The following HP variants were observed in gnomAD, a reference collection of about 807,000 sequenced individuals.
HP encodes haptoglobin alpha(1S)-beta.
In HP, 9 loss-of-function variants were observed where a neutral mutation model predicts 23.2. That is an observed-to-expected ratio of 0.39 (90% CI 0.23 to 0.68). The LOEUF (loss-of-function observed/expected upper bound fraction) is 0.68. HP is among the 30% of genes least tolerant of loss of function. HP has a pLI of 0.47. For synonymous variants in HP, 155 were observed against 183.3 expected, an observed-to-expected ratio of 0.85 and a Z score of 1.25; for missense variants, 433 against 483.6, an observed-to-expected ratio of 0.90 and a Z score of 0.98.
intron 1 of HP, chr16:72,055,047 C>A: frequency 2.7e-6 from 1 of 364,026 alleles, no homozygotes; most frequent in Non-Finnish European, 5.1e-6. Context: ...TGACTAGTAC[C>A]TGGGATACAC....
In HP at chr16:72,060,140, C is replaced by T. The variant is rs758657496; in HGVS notation, c.471C>T (p.Asn157=). The change falls in exon 7 of 7, where the codon AAC becomes AAT. Residue 157 remains asparagine, a synonymous_variant. Transcript: ENST00000355906. ...GTGGGAAGCCCAAGAATCCGGCAAA[C>T]CCAGTGCAGCGGATCCTGGGTGGAC... ...AVCGKPKNPA[N]PVQRILGGHL... 7.4e-6 allele frequency: 12 copies of T among 1,613,662 alleles called. No homozygotes were observed. The highest frequency in any genetic ancestry group is 9.3e-6 in the Non-Finnish European group (11 of 1,179,896).
rs769601309 is a variant in HP, at chr16:72,060,543, T to C, written c.874T>C (p.Phe292Leu). 70 of 1,613,990 alleles carry C rather than the reference T, an allele frequency of 4.3e-5. 1 individual carries two copies. In the East Asian group the frequency reaches 9.8e-4, roughly 23 times the overall value. ...SGWGRNANFK[F>L]TDHLKYVMLP... Reference sequence around the variant, plus strand: ...CTGGGGGCGAAATGCCAATTTTAAATTTACTGACCATCTGAAGTATGTCAT... The same window carrying C: ...CTGGGGGCGAAATGCCAATTTTAAACTTACTGACCATCTGAAGTATGTCAT... The change falls in exon 7 of 7, where the codon TTT (phenylalanine) becomes CTT (leucine). Residue 292 changes from phenylalanine to leucine, a missense_variant. Physicochemically the swap from Phe to Leu is conservative, Grantham distance 22. Coordinates refer to ENST00000355906, the MANE Select transcript of HP (RefSeq NM_005143.5).
Position 72,056,148 on chromosome 16 carries a change from C to T in HP, c.6-13C>T, listed in dbSNP as rs1164646567. The T allele has an allele frequency of 6.2e-6, 10 of 1,613,022 alleles. No homozygotes were observed. The highest frequency in any genetic ancestry group is 1.1e-5 in the South Asian group (1 of 91,056). ...AGACTAGCTTTCCACTCCTCCTTGT[C>T]TTCTCTCTGCAGTGCCCTGGGAGCT... On this transcript the variant is annotated splice_polypyrimidine_tract_variant and intron_variant, in intron 1 of 6. Transcript: ENST00000355906.
chr16:72,055,070 G>C (rs146982445), intron 1 of HP: 69 of 268,646 alleles, frequency 2.6e-4, no homozygotes, highest in African/African-American at 1.5e-3. Context: ...TAATACCTGG[G>C]ATACATCTAA....
At chr16:72,056,027 G>A (rs2041453591) in intron 1 of HP, 134 bp from the exon 2 acceptor site, 1 of 1,425,490 alleles carries the variant, frequency 7.0e-7, no homozygotes, top group South Asian at 1.2e-5. Context: ...TTTCTTTTCT[G>A]GCTGCTAAGT....
In HP at chr16:72,058,114, T is replaced by A. The variant is rs999200706; in HGVS notation, c.266-140T>A. 9 of 1,074,662 alleles carry A rather than the reference T, an allele frequency of 8.4e-6. 2 individuals are homozygous for A. The African/African-American group carries it at 1.6e-4, about 19-fold the overall frequency. 66.6% of individuals were successfully genotyped at this position (1,074,662 alleles called of 1,614,324 possible). A position where few individuals can be genotyped will look rare whatever the true frequency, so the allele number is the denominator to read the frequency against. ...AAATTCCTTTATTGGGATAATTGTT[T>A]AAAAATAATACAGTTCGCGAGCTTC... is the stretch of plus-strand genomic sequence containing the variant. On this transcript the variant is annotated intron_variant, in intron 4 of 6. Transcript: ENST00000355906.
intron 6 of HP, chr16:72,059,504 A>C: frequency 2.5e-6 from 1 of 402,082 alleles, no homozygotes; most frequent in Non-Finnish European, 4.6e-6. Flanking sequence ...AGGGAGAACA[A>C]GTCAAGGAAT....
In HP at chr16:72,054,884, C is replaced by A; in HGVS notation, c.5+227C>A. On this transcript the variant is annotated intron_variant, in intron 1 of 6. Coordinates refer to ENST00000355906, the MANE Select transcript of HP (RefSeq NM_005143.5). ...ATTTACTCTCAGGAGTGTCTTTTTCCTTCAGGTTACATTTTTGACTTTATA... is the reference window on the plus strand; with the variant it reads ...ATTTACTCTCAGGAGTGTCTTTTTCATTCAGGTTACATTTTTGACTTTATA... The A allele has an allele frequency of 3.4e-6, 3 of 891,514 alleles. No individual in the cohort carries two copies. In the South Asian group the frequency reaches 5.3e-5, roughly 16 times the overall value. The allele number at this position is 891,514 out of a possible 1,614,324, so 55.2% of individuals were successfully genotyped here.
At chr16:72,056,050 T>C in intron 1 of HP, 111 bp from the exon 2 acceptor site, 1 of 1,480,618 alleles carries the variant, frequency 6.8e-7, no homozygotes, top group Non-Finnish European at 9.4e-7. Context: ...GAGGAGTGTG[T>C]GTGTATGCAT....
rs749046793 is a variant in HP at position 72,056,236 on chromosome 16, T to C, written c.81T>C (p.Asp27=). 2 of 1,613,880 alleles carry C rather than the reference T, an allele frequency of 1.2e-6. No individual in the cohort carries two copies. The highest frequency in any genetic ancestry group is 1.7e-6 in the Non-Finnish European group (2 of 1,179,856). The change falls in exon 2 of 7, where the codon GAT becomes GAC. Residue 27 remains aspartate, a synonymous_variant. Transcript: ENST00000355906. The part of the protein sequence containing the change: ...FAVDSGNDVT[D]IADDGCPKPP... ...TGGACTCAGGCAATGATGTCACGGA[T>C]ATCGCAGGTCAGTCTTTGGTTGGGT...
In HP at chr16:72,060,439, C is replaced by T. The variant is rs777614764; in HGVS notation, c.770C>T (p.Ser257Phe). ...IGLIKLKQKV[S>F]VNERVMPICL... ...CTCATCAAACTCAAACAGAAGGTGTCTGTTAATGAGAGAGTGATGCCCATC... is the reference window on the plus strand; with the variant it reads ...CTCATCAAACTCAAACAGAAGGTGTTTGTTAATGAGAGAGTGATGCCCATC... Residue 257 changes from serine (S) to phenylalanine (F), a missense_variant, in exon 7 of 7, where the codon TCT becomes TTT. Physicochemically the swap from Ser to Phe is radical, Grantham distance 155. This residue lies in a region of HP where 326 missense variants were observed against 358.1 expected (regional missense o/e 0.91). Coordinates refer to ENST00000355906, the MANE Select transcript of HP (RefSeq NM_005143.5). 38 of 1,614,042 alleles carry T rather than the reference C, an allele frequency of 2.4e-5. No individual in the cohort carries two copies. Among genetic ancestry groups the T allele is most frequent in the Admixed American group, 1.0e-4 (6 of 60,010 alleles).
intron 4 of HP, chr16:72,057,708 C>T: frequency 2.0e-6 from 1 of 498,498 alleles, no homozygotes. Context: ...CGGCACTGCC[C>T]ACAGATCAGG....
chr16:72,056,337 G>C, intron 2 of HP, 94 bp downstream of exon 2: 4 of 1,562,606 alleles, frequency 2.6e-6, no homozygotes, highest in Non-Finnish European at 3.5e-6. Flanking sequence ...TTCTTATCTC[G>C]ACCTCTGGGC....
intron 6 of HP, chr16:72,059,642 C>T (rs1259266839): frequency 7.5e-6 from 2 of 266,440 alleles, no homozygotes; most frequent in African/African-American, 4.5e-5. Flanking sequence ...AAGGCCCAGC[C>T]TCTTCTGCTC....
chr16:72,057,730 A>G (rs1597409708), intron 4 of HP: 5 of 456,036 alleles, frequency 1.1e-5, no homozygotes, highest in South Asian at 6.4e-5. Context: ...GAGCCTGTGC[A>G]TACAGAGAGC....
intron 1 of HP, 159 bp from the exon 2 acceptor site, chr16:72,056,002 C>T (rs535998418): frequency 1.5e-6 from 2 of 1,296,810 alleles, no homozygotes; most frequent in East Asian, 2.7e-5. Context: ...GGTCCTAGCA[C>T]TTCCATATAT....
At chr16:72,057,646 C>T in intron 4 of HP, 180 bp downstream of exon 4, 1 of 793,314 alleles carries the variant, frequency 1.3e-6, no homozygotes, top group Non-Finnish European at 1.9e-6. Flanking sequence ...CCCTAAGGGT[C>T]ACCAAGGGTC....
chr16:72,059,807 T>C, intron 6 of HP: 1 of 525,436 alleles, frequency 1.9e-6, no homozygotes, highest in Non-Finnish European at 3.3e-6. Flanking sequence ...ATTGTGGAAA[T>C]TCCTTTATTG....
rs376241162 is a variant in HP, at chr16:72,059,065, G to A, written c.368-49G>A. Reference sequence around the variant, plus strand: ...TTAAATGCCTTCTCACTCTGCACGGGGTCTAGACTTGACTTCTCCTTTGGC... The same window carrying A: ...TTAAATGCCTTCTCACTCTGCACGGAGTCTAGACTTGACTTCTCCTTTGGC... On this transcript the variant is annotated intron_variant, in intron 5 of 6. Coordinates refer to ENST00000355906, the MANE Select transcript of HP (RefSeq NM_005143.5). The A allele has an allele frequency of 4.0e-5, 60 of 1,507,604 alleles. 2 individuals are homozygous for A. Among genetic ancestry groups the A allele is most frequent in the Non-Finnish European group, 4.9e-5 (54 of 1,097,320 alleles). The allele number at this position is 1,507,604 out of a possible 1,614,324, so 93.4% of individuals were successfully genotyped here.
Sources: gnomAD v4.1 joint callset for allele counts on GRCh38, gnomAD v4.1.1 for gene constraint, gnomAD v4.1.1 regional missense constraint, MANE v1.5 for transcripts, NCBI Gene and HGNC (gene_info 2026-07-23, HGNC 2026-07-21) for gene names.